Variants in CDH4 observed in about 807,000 individuals in gnomAD.
CDH4 encodes cadherin 4, also known as cadherin-4.
CDH4 carries 33 observed loss-of-function variants against 86.0 expected under a neutral mutation model. The ratio of observed to expected loss-of-function variants is 0.38; its 90% CI spans 0.29 to 0.51. CDH4 has a LOEUF of 0.51. CDH4 is among the 20% of genes least tolerant of loss of function. The pLI is 0.86. For missense variants in CDH4, 1,114 were observed against 1,307.4 expected, an observed-to-expected ratio of 0.85 and a Z score of 2.28; for synonymous variants, 555 against 549.4, an observed-to-expected ratio of 1.01 and a Z score of -0.14.
chr20:61,464,434 G>C (rs982032171), intron 2 of CDH4, among the ~76,000 whole-genome samples: 2 of 152,200 alleles, frequency 1.3e-5, no homozygotes, highest in Non-Finnish European at 2.9e-5. Flanking sequence ...CAATTCAGTT[G>C]AGAAATGACA....
At chr20:61,424,688 C>T (rs1441700383) in intron 2 of CDH4, among the ~76,000 whole-genome samples, 3 of 152,192 alleles carry the variant, frequency 2.0e-5, no homozygotes, top group Non-Finnish European at 4.4e-5. Flanking sequence ...AGCTCATCAC[C>T]CTCCAGATTT....
intron 2 of CDH4, among the ~76,000 whole-genome samples, chr20:61,371,548 C>A (rs1177995812): frequency 6.6e-6 from 1 of 152,222 alleles, no homozygotes; most frequent in Non-Finnish European, 1.5e-5. Flanking sequence ...GCTCGTTTTT[C>A]TTCCTGTGGC....
At chr20:61,547,028 A>G (rs1416708471) in intron 2 of CDH4, among the ~76,000 whole-genome samples, 1 of 151,754 alleles carries the variant, frequency 6.6e-6, no homozygotes, top group Non-Finnish European at 1.5e-5. Context: ...GACTTAGGAA[A>G]CTGACAGATC....
At chr20:61,388,576 C>T (rs548982617) in intron 2 of CDH4, among the ~76,000 whole-genome samples, 1 of 152,298 alleles carries the variant, frequency 6.6e-6, no homozygotes, top group South Asian at 2.1e-4. Flanking sequence ...GTGAGTGTTG[C>T]CTGTGACATG....
At chr20:61,759,839 C>T (rs767867770) in intron 3 of CDH4, among the ~76,000 whole-genome samples, 14 of 152,096 alleles carry the variant, frequency 9.2e-5, no homozygotes, top group Non-Finnish European at 1.8e-4. Context: ...TTGGGTGCAG[C>T]CTGGCATGCT....
chr20:61,825,463 G>T (rs1440388004), intron 4 of CDH4, among the ~76,000 whole-genome samples: 1 of 152,084 alleles, frequency 6.6e-6, no homozygotes, highest in Non-Finnish European at 1.5e-5. Context: ...TCTAGCTCTT[G>T]CCCCAACACC....
rs5842346 is a variant in CDH4 at position 61,304,263 on chromosome 20, A to ACCC, written c.169+49331_169+49333dup. Among the ~76,000 whole-genome samples the ACCC allele has an allele frequency of 8.9e-4, 134 of 150,210 alleles. 1 individual carries two copies. The highest frequency in any genetic ancestry group is 4.4e-3 in the East Asian group (22 of 4,996). ...TTTTGGATTGAAGATAGTGGACGGC[A>ACCC]CCCCCCCAACCCCCCGTTCTTTGGT... On this transcript the variant is annotated intron_variant, in intron 2 of 15. Coordinates refer to ENST00000614565, the MANE Select transcript of CDH4 (RefSeq NM_001794.5).
chr20:61,656,488 G>A (rs2087192760), intron 2 of CDH4, among the ~76,000 whole-genome samples: 1 of 152,118 alleles, frequency 6.6e-6, no homozygotes, highest in African/African-American at 2.4e-5. Flanking sequence ...GTGGGCAGGT[G>A]CATGCTGGGA....
At chr20:61,934,558 G>A (rs757827625) in intron 15 of CDH4, among the ~76,000 whole-genome samples, 6 of 152,218 alleles carry the variant, frequency 3.9e-5, no homozygotes, top group East Asian at 1.9e-4. Context: ...GAGAATCAGC[G>A]GGGCGACGGC....
At chr20:61,409,008 T>C (rs186703771) in intron 2 of CDH4, among the ~76,000 whole-genome samples, 1 of 152,314 alleles carries the variant, frequency 6.6e-6, no homozygotes, top group East Asian at 1.9e-4. Flanking sequence ...TTCCGGAAAC[T>C]GTGCAGTTTA....
chr20:61,298,550 G>A (rs1476012209), intron 2 of CDH4, among the ~76,000 whole-genome samples: 5 of 152,158 alleles, frequency 3.3e-5, no homozygotes, highest in African/African-American at 9.6e-5. Context: ...CCGTCTGCAG[G>A]GGCTGCAGGT....
At chr20:61,890,550 G>C (rs189773341) in intron 7 of CDH4, among the ~76,000 whole-genome samples, 1 of 151,530 alleles carries the variant, frequency 6.6e-6, no homozygotes, top group East Asian at 2.0e-4. Flanking sequence ...TGAATGGATG[G>C]ATGGGTGGAT....
At chr20:61,264,977 C>T (rs1213261588) in intron 2 of CDH4, among the ~76,000 whole-genome samples, 1 of 133,582 alleles carries the variant, frequency 7.5e-6, no homozygotes, top group Non-Finnish European at 1.6e-5. Context: ...TCATTCAGTC[C>T]TACACATACC....
At chr20:61,747,169 C>T (rs71323518) in intron 3 of CDH4, among the ~76,000 whole-genome samples, 10,203 of 152,174 alleles carry the variant, frequency 0.067, 448 homozygotes, top group South Asian at 0.16. Flanking sequence ...GGACCGGGCG[C>T]GGTGGCTCAC....
At chr20:61,282,864 TGTG>T (rs140097882) in intron 2 of CDH4, among the ~76,000 whole-genome samples, 8 of 151,338 alleles carry the variant, frequency 5.3e-5, no homozygotes, top group African/African-American at 7.3e-5. Context: ...ACGCATGTGC[TGTG>T]GTGTGTGTGA....
intron 2 of CDH4, among the ~76,000 whole-genome samples, chr20:61,550,345 C>A (rs1013854103): frequency 6.8e-6 from 1 of 146,576 alleles, no homozygotes; most frequent in African/African-American, 2.5e-5. Context: ...CCCTAGCCTG[C>A]TTCCCTGGCC....
chr20:61,593,406 G>A (rs543702828), intron 2 of CDH4, among the ~76,000 whole-genome samples: 1 of 152,210 alleles, frequency 6.6e-6, no homozygotes, highest in African/African-American at 2.4e-5. Flanking sequence ...ACACTGTTCA[G>A]CATTTTCAAG....
intron 2 of CDH4, among the ~76,000 whole-genome samples, chr20:61,275,182 A>G (rs1394599243): frequency 3.2e-5 from 4 of 125,022 alleles, no homozygotes; most frequent in African/African-American, 1.3e-4. Context: ...TTGGGGAAGT[A>G]CCATGTGCAG....
chr20:61,854,718 G>T (rs1982909482), intron 6 of CDH4, among the ~76,000 whole-genome samples: 2 of 145,982 alleles, frequency 1.4e-5, no homozygotes, highest in South Asian at 2.2e-4. Flanking sequence ...GTGTGAACAG[G>T]GTGAATTGTG....
Sources: allele counts gnomAD v4.1 joint callset (sites outside exome capture counted in the v4.1 genomes callset), GRCh38; gene constraint gnomAD v4.1.1; transcripts MANE v1.5; gene names NCBI Gene and HGNC (gene_info 2026-07-23, HGNC 2026-07-21).